DOCK8: variants seen among roughly 807,000 people sequenced by gnomAD.
The protein encoded by DOCK8 is dedicator of cytokinesis protein 8.
DOCK8 carries 141 observed loss-of-function variants against 245.6 expected under a neutral mutation model. The observed-to-expected ratio is 0.57, with a 90% CI of 0.50 to 0.66. The LOEUF is 0.66. Ranked by LOEUF, DOCK8 falls within the 30% of genes least tolerant of loss-of-function variation. The probability of loss-of-function intolerance (pLI) is 0.00; values close to 1 mark genes in which losing one functional copy is unlikely to be tolerated. For missense variants in DOCK8, 2,965 were observed against 2,603.4 expected (o/e 1.14, Z -3.02); for synonymous variants, 1,168 against 970.2 (o/e 1.20, Z -3.79).
At chr9:463,483 A>G in intron 46 of DOCK8, 34 bp from the exon 47 acceptor site, 1 of 1,613,518 alleles carries the variant, frequency 6.2e-7, no homozygotes, top group South Asian at 1.1e-5. Flanking sequence ...CTTCAAAGTC[A>G]TTTATTTCTC....
intron 43 of DOCK8, 87 bp from the exon 44 acceptor site, chr9:446,283 C>A: frequency 8.8e-7 from 1 of 1,137,672 alleles, no homozygotes; most frequent in Non-Finnish European, 1.3e-6. Flanking sequence ...TGCCGGCACG[C>A]CGTGTTCCTG....
rs1023142972 is a variant in DOCK8 at position 415,047 on chromosome 9, T to A, written c.3700+96T>A. 132 of 1,515,440 alleles carry A rather than the reference T, an allele frequency of 8.7e-5. 2 individuals are homozygous for A. In the South Asian group the frequency reaches 1.4e-3, roughly 16 times the overall value. 93.9% of individuals were successfully genotyped at this position (1,515,440 alleles called of 1,614,324 possible). On this transcript the variant is annotated intron_variant, in intron 29 of 47. Transcript: ENST00000432829. ...TCTGTCATTCGTTCCAGTGCTGATA[T>A]GTTCATATGAGCAATTCTTCACAAA...
intron 1 of DOCK8, among the ~76,000 whole-genome samples, chr9:228,357 T>G (rs2047032638): frequency 6.6e-6 from 1 of 152,168 alleles, no homozygotes; most frequent in African/African-American, 2.4e-5. Context: ...CTTCTAACAA[T>G]AAGTAAAATA....
chr9:357,105 C>T (rs2052481875), intron 14 of DOCK8, among the ~76,000 whole-genome samples: 1 of 152,166 alleles, frequency 6.6e-6, no homozygotes, highest in African/African-American at 2.4e-5. Context: ...TGGCTCCTTT[C>T]ACCCATTTCT....
At chr9:413,372 T>A (rs942893367) in intron 28 of DOCK8, among the ~76,000 whole-genome samples, 1 of 151,938 alleles carries the variant, frequency 6.6e-6, no homozygotes, top group Non-Finnish European at 1.5e-5. Context: ...TATGACACAC[T>A]CGAAAGTATG....
intron 1 of DOCK8, among the ~76,000 whole-genome samples, chr9:234,045 T>C (rs907628808): frequency 2.0e-5 from 3 of 152,286 alleles, no homozygotes; most frequent in East Asian, 1.9e-4. Context: ...TGGTTGTTCC[T>C]TTCCATGTTT....
chr9:263,867 T>G (rs557707247), intron 1 of DOCK8, among the ~76,000 whole-genome samples: 2 of 152,380 alleles, frequency 1.3e-5, no homozygotes, highest in East Asian at 3.9e-4. Context: ...TCCCTGGATG[T>G]TTTAAAGATT....
At chr9:215,448 T>C (rs767725224) in intron 1 of DOCK8, 2 of 1,495,118 alleles carry the variant, frequency 1.3e-6, no homozygotes, top group East Asian at 5.1e-5. Flanking sequence ...AGAAGTGAAG[T>C]GGCTGAAATT....
intron 1 of DOCK8, among the ~76,000 whole-genome samples, chr9:252,096 C>A (rs1277188037): frequency 2.0e-5 from 3 of 151,516 alleles, no homozygotes; most frequent in East Asian, 1.9e-4. Flanking sequence ...GCCTCAGCCT[C>A]CTGAGTAGCT....
chr9:259,636 G>A (rs749678370), intron 1 of DOCK8, among the ~76,000 whole-genome samples: 3 of 152,214 alleles, frequency 2.0e-5, no homozygotes, highest in Non-Finnish European at 4.4e-5. Flanking sequence ...CCTGTGTCAT[G>A]TAAGCACTCA....
At chr9:299,492 G>A (rs2049426559) in intron 4 of DOCK8, among the ~76,000 whole-genome samples, 1 of 152,034 alleles carries the variant, frequency 6.6e-6, no homozygotes. Flanking sequence ...CAAACTCCTG[G>A]GCTCAAGTGG....
intron 1 of DOCK8, among the ~76,000 whole-genome samples, chr9:259,794 T>C (rs569054763): frequency 7.2e-4 from 110 of 152,374 alleles, no homozygotes; most frequent in African/African-American, 2.6e-3. Context: ...ACAAATTGTT[T>C]GGTGGTCCCA....
chr9:261,762 T>C (rs182784467), intron 1 of DOCK8, among the ~76,000 whole-genome samples: 2 of 152,326 alleles, frequency 1.3e-5, no homozygotes, highest in East Asian at 3.9e-4. Context: ...TTTATATATT[T>C]TGAGCCTATA....
chr9:263,637 C>G lies in DOCK8; in HGVS notation c.54-7990C>G, dbSNP rs182038614. Among the ~76,000 whole-genome samples the G allele has an allele frequency of 1.1e-3, 175 of 152,232 alleles. 1 individual carries two copies. Among genetic ancestry groups the G allele is most frequent in the African/African-American group, 3.9e-3 (164 of 41,526 alleles). The stretch of plus-strand genomic sequence containing the variant: ...CCTTACTATTTATTTTAGTATGGCT[C>G]TGCTGGTGATAAATTCTCTCCATTT... On this transcript the variant is annotated intron_variant, in intron 1 of 47. Transcript: ENST00000432829.
At chr9:245,252 T>A (rs1281555395) in intron 1 of DOCK8, among the ~76,000 whole-genome samples, 2 of 152,208 alleles carry the variant, frequency 1.3e-5, no homozygotes, top group East Asian at 3.9e-4. Context: ...TCACCCAGGC[T>A]GGAGTGCAGT....
intron 1 of DOCK8, among the ~76,000 whole-genome samples, chr9:236,311 A>G (rs957386890): frequency 2.1e-4 from 32 of 152,232 alleles, no homozygotes; most frequent in African/African-American, 7.0e-4. Flanking sequence ...CTCTTCTAGA[A>G]GCTCACAGAA....
rs1329249877 is a variant in DOCK8, at chr9:403,909, TATATATAC to T, written c.3235-1001_3235-994del. Among the ~76,000 whole-genome samples, 26 of 87,758 alleles carry T rather than the reference TATATATAC, an allele frequency of 3.0e-4. 1 individual carries two copies. The highest frequency in any genetic ancestry group is 1.9e-3 in the African/African-American group (25 of 12,838). 57.6% of individuals were successfully genotyped at this position (87,758 alleles called of 152,430 possible). A position where few individuals can be genotyped will look rare whatever the true frequency, so the allele number is the denominator to read the frequency against. On this transcript the variant is annotated intron_variant, in intron 26 of 47. Transcript: ENST00000432829. Reference sequence around the variant, plus strand: ...CTCTCTCTCTATATATATATATATATATATATACATATATATATATGTGTATATATATA... The same window carrying T: ...CTCTCTCTCTATATATATATATATATATATATATATATGTGTATATATATA...
chr9:362,582 G>T (rs1193333317), intron 14 of DOCK8, among the ~76,000 whole-genome samples: 1 of 152,150 alleles, frequency 6.6e-6, no homozygotes, highest in Non-Finnish European at 1.5e-5. Context: ...TTGTCGAGCT[G>T]CTCCTCTCTC....
At chr9:347,225 C>T (rs1045256277) in intron 14 of DOCK8, among the ~76,000 whole-genome samples, 2 of 152,200 alleles carry the variant, frequency 1.3e-5, no homozygotes, top group East Asian at 1.9e-4. Flanking sequence ...TGCTCCATAC[C>T]GGGCACAGCG....
Sources: gnomAD v4.1 joint callset for allele counts (sites outside exome capture counted in the v4.1 genomes callset) on GRCh38, gnomAD v4.1.1 for gene constraint, MANE v1.5 for transcripts, NCBI Gene and HGNC (gene_info 2026-07-23, HGNC 2026-07-21) for gene names.